LRRC28: variants seen among roughly 807,000 people sequenced by gnomAD.
LRRC28 encodes leucine rich repeat containing 28.
Under a neutral mutation model 45.7 loss-of-function variants are expected in LRRC28, and 39 were observed. The observed-to-expected ratio is 0.85, with a 90% CI of 0.66 to 1.12. LRRC28 has a LOEUF of 1.12. LRRC28 is among the 50% of genes most tolerant of loss of function. The pLI is 0.00. For missense variants in LRRC28, 435 were observed against 438.5 expected (o/e 0.99, Z 0.07); for synonymous variants, 206 against 178.8 (o/e 1.15, Z -1.22).
chr15:99,386,275 A>G lies in LRRC28; in HGVS notation c.*173A>G, dbSNP rs564219922. The G allele has an allele frequency of 1.4e-4, 80 of 569,502 alleles. 3 individuals are homozygous for G. In the South Asian group the frequency reaches 2.1e-3, roughly 15 times the overall value. The allele number at this position is 569,502 out of a possible 1,614,324, so 35.3% of individuals were successfully genotyped here. On this transcript the variant is annotated 3_prime_UTR_variant, in exon 10 of 10. Coordinates refer to ENST00000301981, the MANE Select transcript of LRRC28 (RefSeq NM_144598.5). ...CTTCACCCTTCCCCCAAGTTGGAAT[A>G]TATCCTCCCCCAAATTAAGGACCCA...
At chr15:99,281,186 C>G (rs2081779071) in intron 3 of LRRC28, among the ~76,000 whole-genome samples, 1 of 152,018 alleles carries the variant, frequency 6.6e-6, no homozygotes, top group African/African-American at 2.4e-5. Context: ...CACCACCATG[C>G]CCAGCTAAAT....
At chr15:99,377,696 A>G (rs901329603) in intron 9 of LRRC28, among the ~76,000 whole-genome samples, 1 of 152,076 alleles carries the variant, frequency 6.6e-6, no homozygotes, top group African/African-American at 2.4e-5. Flanking sequence ...TAAGTCTTTA[A>G]TCCATCTTGA....
chr15:99,302,492 A>C (rs1449685016), intron 5 of LRRC28, among the ~76,000 whole-genome samples: 1 of 151,440 alleles, frequency 6.6e-6, no homozygotes, highest in Non-Finnish European at 1.5e-5. Flanking sequence ...CGGTTCAAGC[A>C]ATTCTCCTGC....
At chr15:99,267,762 C>G (rs917728650) in intron 2 of LRRC28, among the ~76,000 whole-genome samples, 4 of 152,162 alleles carry the variant, frequency 2.6e-5, no homozygotes, top group Non-Finnish European at 1.5e-5. Context: ...AGCTTCTTTT[C>G]CTGTTGAATT....
intron 2 of LRRC28, among the ~76,000 whole-genome samples, chr15:99,267,661 G>C (rs2081367530): frequency 6.6e-6 from 1 of 152,204 alleles, no homozygotes; most frequent in Non-Finnish European, 1.5e-5. Context: ...GTGTTTGTAA[G>C]TAAATGTGGT....
chr15:99,292,507 GGCGCCCGCCACC>G (rs2082150238), intron 5 of LRRC28, among the ~76,000 whole-genome samples: 1 of 151,632 alleles, frequency 6.6e-6, no homozygotes, highest in Non-Finnish European at 1.5e-5. Context: ...TGGGACTACA[GGCGCCCGCCACC>G]GCGCCCGGCT....
chr15:99,285,873 G>C (rs756633112), intron 3 of LRRC28: 59 of 327,922 alleles, frequency 1.8e-4, no homozygotes, highest in Non-Finnish European at 3.1e-4. Context: ...AAAGAGTATT[G>C]ATTTCATATA....
At chr15:99,326,291 CA>C (rs1405515074) in intron 5 of LRRC28, among the ~76,000 whole-genome samples, 11 of 152,158 alleles carry the variant, frequency 7.2e-5, no homozygotes, top group African/African-American at 2.4e-4. Flanking sequence ...TTCAGACCCC[CA>C]TTAGGGTCCA....
At chr15:99,377,507 A>T (rs969292644) in intron 9 of LRRC28, among the ~76,000 whole-genome samples, 1 of 152,090 alleles carries the variant, frequency 6.6e-6, no homozygotes, top group Non-Finnish European at 1.5e-5. Context: ...GTTCACTCTG[A>T]TGGTAGTTTC....
At chr15:99,273,086 A>C (rs2152161161) in intron 2 of LRRC28, among the ~76,000 whole-genome samples, 1 of 152,314 alleles carries the variant, frequency 6.6e-6, no homozygotes, top group South Asian at 2.1e-4. Flanking sequence ...AACGTATAAC[A>C]TTTCTCAGCT....
intron 9 of LRRC28, among the ~76,000 whole-genome samples, chr15:99,371,586 G>A (rs1348714965): frequency 6.6e-6 from 1 of 151,918 alleles, no homozygotes; most frequent in Non-Finnish European, 1.5e-5. Flanking sequence ...CCTTACCCTT[G>A]CTTTTTGTGG....
chr15:99,304,992 G>T lies in LRRC28; in HGVS notation c.385+17041G>T, dbSNP rs149266302. 1.4e-3 allele frequency among the ~76,000 whole-genome samples: 218 copies of T among 152,276 alleles called. 2 individuals are homozygous for T. The highest frequency in any genetic ancestry group is 5.1e-3 in the African/African-American group (210 of 41,550). ...ACAATATAGGGAGATACTTGAGACT[G>T]TGTGGCCCACCCCAATCTTGTGGAC... On this transcript the variant is annotated intron_variant, in intron 5 of 9. Transcript: ENST00000301981.
At chr15:99,351,908 A>C (rs191101183) in intron 6 of LRRC28, among the ~76,000 whole-genome samples, 1 of 152,172 alleles carries the variant, frequency 6.6e-6, no homozygotes, top group African/African-American at 2.4e-5. Flanking sequence ...TTGGATGGAA[A>C]ATTGCTCAGA....
chr15:99,379,216 C>T (rs1477992599), intron 9 of LRRC28, among the ~76,000 whole-genome samples: 1 of 152,050 alleles, frequency 6.6e-6, no homozygotes, highest in Non-Finnish European at 1.5e-5. Context: ...AATTTCAGAG[C>T]CTGTTATTGG....
intron 9 of LRRC28, among the ~76,000 whole-genome samples, chr15:99,372,459 T>G (rs1957510032): frequency 6.6e-6 from 1 of 152,202 alleles, no homozygotes; most frequent in African/African-American, 2.4e-5. Context: ...GCCACAGTTC[T>G]GGATTTTAAA....
chr15:99,257,606 C>A, intron 2 of LRRC28: 1 of 660,366 alleles, frequency 1.5e-6, no homozygotes, highest in Non-Finnish European at 2.9e-6. Context: ...TCGAAAGGGA[C>A]TTGAGACTCA....
At chr15:99,347,899 CA>C (rs770471076) in intron 6 of LRRC28, among the ~76,000 whole-genome samples, 1 of 152,172 alleles carries the variant, frequency 6.6e-6, no homozygotes, top group Non-Finnish European at 1.5e-5. Context: ...CCTACCAACA[CA>C]TACTAGGGTT....
At chr15:99,255,840 A>C in intron 1 of LRRC28, 58 bp from the exon 2 acceptor site, 1 of 1,107,388 alleles carries the variant, frequency 9.0e-7, no homozygotes, top group Non-Finnish European at 1.3e-6. Flanking sequence ...TAACTGGTTT[A>C]TATGGCAATT....
chr15:99,368,221 C>CAGGTATGGGTCAGGACA (rs1957392547), intron 9 of LRRC28, among the ~76,000 whole-genome samples: 1 of 152,170 alleles, frequency 6.6e-6, no homozygotes, highest in African/African-American at 2.4e-5. Context: ...ATATCTAAAT[C>CAGGTATGGGTCAGGACA]AGGTATGGGT....
Sources: allele counts gnomAD v4.1 joint callset (sites outside exome capture counted in the v4.1 genomes callset), GRCh38; gene constraint gnomAD v4.1.1; transcripts MANE v1.5; gene names NCBI Gene and HGNC (gene_info 2026-07-23, HGNC 2026-07-21).